MACF1: variants seen among roughly 807,000 people sequenced by gnomAD.
The protein encoded by MACF1 is microtubule-actin cross-linking factor 1.
MACF1 carries 193 observed loss-of-function variants against 854.8 expected under a neutral mutation model. That is an observed-to-expected ratio of 0.23 (90% confidence interval 0.20 to 0.25). MACF1 has a LOEUF of 0.25. Ranked by LOEUF, MACF1 falls within the 10% of genes least tolerant of loss-of-function variation. MACF1 has a pLI of 1.00. For missense variants in MACF1, 7,722 were observed against 8,929.1 expected, an observed-to-expected ratio of 0.86 and a Z score of 5.45; for synonymous variants, 3,185 against 3,226.7, an observed-to-expected ratio of 0.99 and a Z score of 0.44.
chr1:39,168,301 C>A (rs1429202188), intron 2 of MACF1, among the ~76,000 whole-genome samples: 2 of 152,170 alleles, frequency 1.3e-5, no homozygotes, highest in African/African-American at 4.8e-5. Context: ...AAAATATTCT[C>A]TTCTTTTACC....
At chr1:39,250,176 C>A in intron 3 of MACF1, 73 bp downstream of exon 3, 2 of 971,194 alleles carry the variant, frequency 2.1e-6, no homozygotes, top group Non-Finnish European at 1.6e-6. Context: ...TCATTGAGTG[C>A]AAGGGCAGCA....
At chr1:39,170,579 A>T (rs1159871076) in intron 2 of MACF1, among the ~76,000 whole-genome samples, 1 of 152,226 alleles carries the variant, frequency 6.6e-6, no homozygotes, top group African/African-American at 2.4e-5. Flanking sequence ...AAGAAGAGGG[A>T]GAATTTAGAA....
At chr1:39,240,646 G>A (rs939903580) in intron 2 of MACF1, among the ~76,000 whole-genome samples, 5 of 152,166 alleles carry the variant, frequency 3.3e-5, no homozygotes, top group African/African-American at 4.8e-5. Context: ...TTACAGGCAT[G>A]TGCCACCACG....
chr1:39,460,838 C>T lies in MACF1; in HGVS notation c.21523+44C>T. On this transcript the variant is annotated intron_variant, in intron 92 of 100. Coordinates refer to ENST00000564288, the MANE Select transcript of MACF1 (RefSeq NM_001394062.1). This position sits in a 1 kb window ranked among gnomAD's most constrained non-coding sequence, Gnocchi z 4.1. ...CCAAACATGGGTCACACCTGGATTC[C>T]TTGCACTTTGTAGAAGCTGTGATAT... 6.2e-7 allele frequency: 1 copy of T among 1,602,804 alleles called. No individual in the cohort carries two copies. Among genetic ancestry groups the T allele is most frequent in the Non-Finnish European group, 8.5e-7 (1 of 1,170,658 alleles).
chr1:39,262,390 T>G (rs1571233492), intron 6 of MACF1, among the ~76,000 whole-genome samples: 3 of 68,112 alleles, frequency 4.4e-5, no homozygotes, highest in East Asian at 5.1e-4. Context: ...TACACGAGAC[T>G]CCATCACAAA....
chr1:39,221,731 C>G (rs760538413), intron 1 of MACF1, among the ~76,000 whole-genome samples: 11 of 152,108 alleles, frequency 7.2e-5, no homozygotes, highest in Middle Eastern at 3.2e-3. Context: ...AGGTACCTGC[C>G]CTCTTCTTTA....
intron 2 of MACF1, among the ~76,000 whole-genome samples, chr1:39,106,202 C>T (rs1642231846): frequency 6.6e-6 from 1 of 152,042 alleles, no homozygotes; most frequent in Non-Finnish European, 1.5e-5. Flanking sequence ...TGGAAAGCAC[C>T]TTGGTGTCTT....
intron 6 of MACF1, among the ~76,000 whole-genome samples, chr1:39,263,771 C>CTTTTTTTTTTT (rs11453750): frequency 6.5e-4 from 65 of 100,162 alleles, no homozygotes; most frequent in African/African-American, 1.1e-3. Flanking sequence ...TTTCTTTTTT[C>CTTTTTTTTTTT]TTTTTTTTTT....
chr1:39,306,366 G>GATCC (rs1381653558), intron 23 of MACF1, among the ~76,000 whole-genome samples: 1 of 151,894 alleles, frequency 6.6e-6, no homozygotes, highest in Non-Finnish European at 1.5e-5. Flanking sequence ...GACCTCAAGT[G>GATCC]ATCCACCCAC....
At chr1:39,242,349 C>CA (rs759843162) in intron 2 of MACF1, among the ~76,000 whole-genome samples, 21,714 of 114,448 alleles carry the variant, frequency 0.19, 2,006 homozygotes, top group Middle Eastern at 0.25. Flanking sequence ...GACTCTGCCT[C>CA]AAAAAAAAAA....
At chr1:39,097,997 A>T (rs1219679029) in intron 2 of MACF1, among the ~76,000 whole-genome samples, 2 of 152,018 alleles carry the variant, frequency 1.3e-5, no homozygotes, top group African/African-American at 4.8e-5. Context: ...AAAAAGCCAC[A>T]CCTCACAGTT....
intron 2 of MACF1, among the ~76,000 whole-genome samples, chr1:39,182,401 C>T (rs1238076443): frequency 1.1e-5 from 1 of 94,092 alleles, no homozygotes; most frequent in Non-Finnish European, 2.8e-5. Context: ...TCAAAGGACA[C>T]TACCTAGAAA....
At position 39,435,657 on chromosome 1, in the gene MACF1, G is replaced by C. The variant is rs1047720727; in HGVS notation, c.17884G>C (p.Val5962Leu). 6.2e-7 allele frequency: 1 copy of C among 1,614,146 alleles called. No homozygotes were observed. Among genetic ancestry groups the C allele is most frequent in the Admixed American group, 1.7e-5 (1 of 60,018 alleles). The change falls in exon 70 of 101, where the codon GTG becomes CTG. Residue 5962 changes from valine (V) to leucine (L), a missense_variant. By Grantham distance (32) the Val-to-Leu change is conservative. Around this residue, in one of 15 missense-constraint regions of MACF1, gnomAD observed 2,807 missense variants for 3,235.8 expected, o/e 0.87. Coordinates refer to ENST00000564288, the MANE Select transcript of MACF1 (RefSeq NM_001394062.1). ...KELNPEEGEMVEEKYQKAENM... is the reference protein window; with the variant it reads ...KELNPEEGEMLEEKYQKAENM... ...ATTAAACCCTGAGGAAGGGGAAATGGTGGAAGAAAAATACCAGAAAGCAGA... is the reference window on the plus strand; with the variant it reads ...ATTAAACCCTGAGGAAGGGGAAATGCTGGAAGAAAAATACCAGAAAGCAGA...
At chr1:39,459,444 G>GT (rs1644506782) in intron 91 of MACF1, among the ~76,000 whole-genome samples, 195 bp downstream of exon 91, 1 of 152,182 alleles carries the variant, frequency 6.6e-6, no homozygotes, top group Admixed American at 6.5e-5. Context: ...AAAACCGTTT[G>GT]TGACAGAGTA....
intron 40 of MACF1, among the ~76,000 whole-genome samples, chr1:39,343,288 C>T (rs973139807): frequency 1.3e-5 from 2 of 152,172 alleles, no homozygotes; most frequent in Non-Finnish European, 2.9e-5. Context: ...TCCTTCTATT[C>T]TATCTTCTCC....
chr1:39,290,363 G>C (rs1645749513), intron 15 of MACF1, among the ~76,000 whole-genome samples: 1 of 152,036 alleles, frequency 6.6e-6, no homozygotes, highest in Non-Finnish European at 1.5e-5. Context: ...TTTGTTTCTG[G>C]GTTCTCTATT....
intron 2 of MACF1, among the ~76,000 whole-genome samples, chr1:39,092,842 G>T (rs530255229): frequency 2.1e-3 from 311 of 151,550 alleles, no homozygotes; most frequent in Non-Finnish European, 3.1e-3. Context: ...AGAGTGCTGT[G>T]GTGCCATCTC....
At chr1:39,235,517 C>A (rs1557535214) in intron 2 of MACF1, among the ~76,000 whole-genome samples, 1 of 152,208 alleles carries the variant, frequency 6.6e-6, no homozygotes. Flanking sequence ...CTATTTGATT[C>A]AGTACTGCCT....
intron 25 of MACF1, 24 bp from the exon 26 acceptor site, chr1:39,310,807 T>G (rs1557580386): frequency 1.9e-6 from 3 of 1,590,396 alleles, no homozygotes; most frequent in African/African-American, 2.7e-5. Context: ...AGCTTACTGG[T>G]CTTTTGTGTT....
Sources: allele counts gnomAD v4.1 joint callset (sites outside exome capture counted in the v4.1 genomes callset), GRCh38; gene constraint gnomAD v4.1.1; regional missense constraint gnomAD v4.1.1; non-coding constraint Gnocchi (gnomAD v3.1); transcripts MANE v1.5; gene names NCBI Gene and HGNC (gene_info 2026-07-23, HGNC 2026-07-21).